The following NXPE2 variants were observed in gnomAD, a reference collection of about 807,000 sequenced individuals.
NXPE2 encodes neurexophilin and PC-esterase domain family member 2.
A neutral mutation model predicts 34.4 loss-of-function variants in NXPE2; 34 were observed. The observed-to-expected ratio is 0.99, with a 90% CI of 0.75 to 1.31. The LOEUF (loss-of-function observed/expected upper bound fraction) is 1.31, where lower values mean the gene tolerates loss of function less well. Ranked by LOEUF, NXPE2 falls within the 40% of genes most tolerant of loss-of-function variation. The pLI, the probability that NXPE2 is intolerant of heterozygous loss-of-function variation, is 0.00. For synonymous variants in NXPE2, 235 were observed against 231.3 expected (o/e 1.02, Z -0.15); for missense variants, 649 against 672.5 (o/e 0.97, Z 0.39).
the NXPE2 span, among the ~76,000 whole-genome samples, chr11:114,631,989 T>G: frequency 6.7e-6 from 1 of 149,082 alleles, no homozygotes; most frequent in Non-Finnish European, 1.5e-5. Flanking sequence ...TATTGCCTCA[T>G]AGGTAACAGC....
chr11:114,757,459 C>G, the NXPE2 span, among the ~76,000 whole-genome samples: 1 of 152,068 alleles, frequency 6.6e-6, no homozygotes, highest in Non-Finnish European at 1.5e-5. Context: ...TTTCTTACCT[C>G]TTTTTCTCTC....
the NXPE2 span, among the ~76,000 whole-genome samples, chr11:114,745,079 CATT>C: frequency 4.7e-3 from 714 of 152,082 alleles, 3 homozygotes; most frequent in African/African-American, 0.015. Context: ...ATAATAAAAA[CATT>C]ATTATGCCAT....
chr11:114,539,428 T>TATAACA, the NXPE2 span, among the ~76,000 whole-genome samples: 1 of 151,684 alleles, frequency 6.6e-6, no homozygotes, highest in Non-Finnish European at 1.5e-5. Context: ...AAACTTAAAG[T>TATAACA]ATAATAATAA....
the NXPE2 span, chr11:114,570,828 C>A: frequency 1.4e-6 from 1 of 693,412 alleles, no homozygotes; most frequent in Non-Finnish European, 2.4e-6. Flanking sequence ...AATGTAGATT[C>A]TCTGCTCTTG....
the NXPE2 span, among the ~76,000 whole-genome samples, chr11:114,740,996 T>G: frequency 3.4e-3 from 511 of 152,340 alleles, 6 homozygotes; most frequent in Non-Finnish European, 5.0e-3. Context: ...TGTTTATTCC[T>G]TCATTTCTTG....
chr11:114,754,911 A>AC, the NXPE2 span, among the ~76,000 whole-genome samples: 19 of 152,202 alleles, frequency 1.2e-4, no homozygotes, highest in Non-Finnish European at 2.4e-4. Flanking sequence ...TCTATTTGTC[A>AC]ATGATGTGGA....
At chr11:114,651,376 G>A in the NXPE2 span, among the ~76,000 whole-genome samples, 14 of 152,166 alleles carry the variant, frequency 9.2e-5, no homozygotes, top group South Asian at 4.2e-4. Context: ...TGGTGGGTTC[G>A]TGGTCTCGTG....
the NXPE2 span, chr11:114,518,271 A>T: frequency 6.6e-6 from 1 of 152,232 alleles, no homozygotes; most frequent in Non-Finnish European, 1.5e-5. Context: ...GGTACAGAAA[A>T]CTTTAGGATT....
the NXPE2 span, among the ~76,000 whole-genome samples, chr11:114,813,078 T>G: frequency 6.6e-6 from 1 of 152,174 alleles, no homozygotes; most frequent in Admixed American, 6.5e-5. Flanking sequence ...CCAGAGAATC[T>G]TGATAGCTAT....
chr11:114,536,342 A>G, the NXPE2 span, among the ~76,000 whole-genome samples: 1 of 152,350 alleles, frequency 6.6e-6, no homozygotes, highest in East Asian at 1.9e-4. Context: ...AAAGATGAAA[A>G]ATTGACACCC....
intron 2 of NXPE2, among the ~76,000 whole-genome samples, chr11:114,684,185 T>C (rs1950999769): frequency 6.6e-6 from 1 of 152,096 alleles, no homozygotes; most frequent in Admixed American, 6.6e-5. Context: ...CCAAGCACTT[T>C]GGGAGGCCGA....
At chr11:114,740,099 A>G in the NXPE2 span, among the ~76,000 whole-genome samples, 1 of 152,218 alleles carries the variant, frequency 6.6e-6, no homozygotes, top group African/African-American at 2.4e-5. Context: ...TATAAATTAG[A>G]CCGTGTAAGA....
chr11:114,703,635 A>G (rs1327136977), intron 3 of NXPE2, among the ~76,000 whole-genome samples: 2 of 152,106 alleles, frequency 1.3e-5, no homozygotes, highest in African/African-American at 4.8e-5. Flanking sequence ...GCCATTTAGA[A>G]GGTAAAATTA....
At chr11:114,720,235 A>G in the NXPE2 span, among the ~76,000 whole-genome samples, 1 of 152,074 alleles carries the variant, frequency 6.6e-6, no homozygotes, top group Non-Finnish European at 1.5e-5. Flanking sequence ...ACCAGTTGGC[A>G]TGGAGGGCCC....
At chr11:114,656,524 C>A in the NXPE2 span, among the ~76,000 whole-genome samples, 1 of 152,008 alleles carries the variant, frequency 6.6e-6, no homozygotes, top group Non-Finnish European at 1.5e-5. Flanking sequence ...AGTTTTTCAT[C>A]TCTAAAATGG....
chr11:114,560,760 T>C, the NXPE2 span, among the ~76,000 whole-genome samples: 1 of 152,218 alleles, frequency 6.6e-6, no homozygotes, highest in Admixed American at 6.5e-5. Flanking sequence ...TGGGTGTATA[T>C]GAATAATTAG....
the NXPE2 span, among the ~76,000 whole-genome samples, chr11:114,544,987 A>G: frequency 6.6e-6 from 1 of 152,160 alleles, no homozygotes; most frequent in African/African-American, 2.4e-5. Context: ...TTCGTCAGGG[A>G]GACAAATTAG....
chr11:114,806,842 G>A, the NXPE2 span, among the ~76,000 whole-genome samples: 17 of 151,918 alleles, frequency 1.1e-4, no homozygotes, highest in African/African-American at 1.9e-4. Flanking sequence ...TACAGAGAAC[G>A]CCACAAAGAT....
chr11:114,786,820 C>A, the NXPE2 span, among the ~76,000 whole-genome samples: 1 of 151,734 alleles, frequency 6.6e-6, no homozygotes, highest in Non-Finnish European at 1.5e-5. Flanking sequence ...TGGGAAGAGC[C>A]CCCCCATGCA....
Sources: allele counts gnomAD v4.1 joint callset (sites outside exome capture counted in the v4.1 genomes callset), GRCh38; gene constraint gnomAD v4.1.1; transcripts MANE v1.5; gene names NCBI Gene and HGNC (gene_info 2026-07-23, HGNC 2026-07-21).